NELL1: variants seen among roughly 807,000 people sequenced by gnomAD.
NELL1 encodes neural EGFL like 1.
In NELL1, 76 loss-of-function variants were observed where a neutral mutation model predicts 107.4. The observed-to-expected ratio is 0.71, with a 90% CI of 0.59 to 0.86. The LOEUF is 0.86. Among genes scored for constraint, NELL1 ranks in the 40% least tolerant of loss-of-function variants. The pLI is 0.00. For synonymous variants in NELL1, 353 were observed against 341.2 expected, an observed-to-expected ratio of 1.03 and a Z score of -0.38; for missense variants, 1,024 against 1,005.5, an observed-to-expected ratio of 1.02 and a Z score of -0.25.
chr11:20,872,681 T>TGC (rs1442921262), intron 4 of NELL1, among the ~76,000 whole-genome samples: 32 of 147,700 alleles, frequency 2.2e-4, no homozygotes, highest in African/African-American at 8.4e-4. Context: ...GGTGTGTGTG[T>TGC]GTGTGTGTGT....
chr11:20,714,220 T>TTTTTTTGTTTG (rs869299952), intron 2 of NELL1, among the ~76,000 whole-genome samples: 1 of 129,720 alleles, frequency 7.7e-6, no homozygotes, highest in African/African-American at 3.2e-5. Flanking sequence ...TTTTTTTTTT[T>TTTTTTTGTTTG]GAGTTGGAGT....
intron 15 of NELL1, among the ~76,000 whole-genome samples, chr11:21,516,391 T>TTG (rs372725063): frequency 1.3e-5 from 2 of 152,014 alleles, no homozygotes; most frequent in Middle Eastern, 3.4e-3. Context: ...TGTGTGTATC[T>TTG]TGTGTGTGTG....
At chr11:20,786,256 A>C (rs1039656265) in intron 3 of NELL1, among the ~76,000 whole-genome samples, 9 of 151,758 alleles carry the variant, frequency 5.9e-5, no homozygotes, top group Middle Eastern at 3.4e-3. Flanking sequence ...AGGCTGAGGC[A>C]GGAGAATCGC....
chr11:21,149,092 C>T lies in NELL1; in HGVS notation c.1426+35378C>T, dbSNP rs373239705. On this transcript the variant is annotated intron_variant, in intron 13 of 19. Transcript: ENST00000357134. ...TTTAGTTTTATTTATGAAGGGAGAC[C>T]GCAAAATATAACCATATTATTGTTA... Among the ~76,000 whole-genome samples, 9 of 152,130 alleles carry T rather than the reference C, an allele frequency of 5.9e-5. No homozygotes were observed. In the East Asian group the frequency reaches 7.7e-4, roughly 13 times the overall value.
At chr11:21,054,780 T>C (rs1853575183) in intron 12 of NELL1, among the ~76,000 whole-genome samples, 1 of 152,102 alleles carries the variant, frequency 6.6e-6, no homozygotes, top group African/African-American at 2.4e-5. Flanking sequence ...ACTTGTATAT[T>C]CATCTTAGTC....
intron 15 of NELL1, among the ~76,000 whole-genome samples, chr11:21,420,135 A>G (rs1380022542): frequency 6.6e-6 from 1 of 152,128 alleles, no homozygotes; most frequent in African/African-American, 2.4e-5. Flanking sequence ...GAATAAATCA[A>G]TGAAATGCAT....
At chr11:21,105,119 C>T (rs919441523) in intron 12 of NELL1, among the ~76,000 whole-genome samples, 2 of 152,154 alleles carry the variant, frequency 1.3e-5, no homozygotes, top group African/African-American at 4.8e-5. Context: ...GATTGTCTTA[C>T]TGAAGCAGCA....
intron 13 of NELL1, 61 bp downstream of exon 13, chr11:21,113,775 T>C: frequency 6.5e-7 from 1 of 1,543,872 alleles, no homozygotes. Context: ...CATGTCTGTG[T>C]TATTATGTTT....
At chr11:21,528,679 T>C (rs1278940920) in intron 15 of NELL1, among the ~76,000 whole-genome samples, 1 of 152,120 alleles carries the variant, frequency 6.6e-6, no homozygotes, top group African/African-American at 2.4e-5. Context: ...CAACACAGAA[T>C]GGACTAAGAC....
intron 3 of NELL1, among the ~76,000 whole-genome samples, chr11:20,804,215 A>T (rs998665335): frequency 1.3e-5 from 2 of 151,908 alleles, no homozygotes; most frequent in African/African-American, 2.4e-5. Context: ...TGTTTCAAAA[A>T]TTTTTTTCAA....
At chr11:21,130,624 A>G (rs1590664176) in intron 13 of NELL1, among the ~76,000 whole-genome samples, 1 of 152,204 alleles carries the variant, frequency 6.6e-6, no homozygotes, top group Non-Finnish European at 1.5e-5. Context: ...CTTTCTTGTT[A>G]CATCTATGGT....
intron 17 of NELL1, among the ~76,000 whole-genome samples, chr11:21,564,588 G>A (rs1856926764): frequency 6.6e-6 from 1 of 151,972 alleles, no homozygotes; most frequent in South Asian, 2.1e-4. Context: ...AACTATGAAG[G>A]CCAGATAGTG....
intron 3 of NELL1, among the ~76,000 whole-genome samples, chr11:20,834,470 T>C (rs1340526260): frequency 6.6e-6 from 1 of 152,066 alleles, no homozygotes; most frequent in Non-Finnish European, 1.5e-5. Flanking sequence ...AGACTGGAGA[T>C]ATAAATTTGT....
chr11:21,024,008 C>A (rs1030532598), intron 12 of NELL1, among the ~76,000 whole-genome samples: 1 of 152,008 alleles, frequency 6.6e-6, no homozygotes, highest in African/African-American at 2.4e-5. Context: ...CAAAATCCTT[C>A]CTTTTGTAAG....
intron 14 of NELL1, among the ~76,000 whole-genome samples, chr11:21,330,696 T>G (rs910973558): frequency 3.3e-5 from 5 of 152,146 alleles, no homozygotes; most frequent in African/African-American, 4.8e-5. Flanking sequence ...ATGATGTGTC[T>G]GGGTGTATAT....
intron 16 of NELL1, among the ~76,000 whole-genome samples, chr11:21,540,557 C>T (rs1856266085): frequency 6.6e-6 from 1 of 152,000 alleles, no homozygotes; most frequent in Non-Finnish European, 1.5e-5. Flanking sequence ...ACAGGCTGTA[C>T]AGGAAGCATG....
intron 12 of NELL1, among the ~76,000 whole-genome samples, chr11:20,966,646 C>T (rs918199160): frequency 6.6e-6 from 1 of 152,048 alleles, no homozygotes; most frequent in African/African-American, 2.4e-5. Flanking sequence ...ACAGAGATTC[C>T]TAGCCTTTGC....
chr11:21,311,917 T>C (rs1182282965), intron 14 of NELL1, among the ~76,000 whole-genome samples: 1 of 152,146 alleles, frequency 6.6e-6, no homozygotes, highest in Non-Finnish European at 1.5e-5. Flanking sequence ...ATCTTTGGGA[T>C]GTGATTAGGT....
intron 4 of NELL1, among the ~76,000 whole-genome samples, chr11:20,881,596 G>A (rs146933583): frequency 8.1e-4 from 124 of 152,326 alleles, no homozygotes; most frequent in African/African-American, 2.9e-3. Flanking sequence ...ATTAAGTGTT[G>A]TATAAGTGCT....
Sources: allele counts gnomAD v4.1 joint callset (sites outside exome capture counted in the v4.1 genomes callset), GRCh38; gene constraint gnomAD v4.1.1; transcripts MANE v1.5; gene names NCBI Gene and HGNC (gene_info 2026-07-23, HGNC 2026-07-21).